The following ZNF534 variants were observed in gnomAD, a reference collection of about 807,000 sequenced individuals.
The protein encoded by ZNF534 is zinc finger protein 534.
Under a neutral mutation model 13.6 loss-of-function variants are expected in ZNF534, and 19 were observed. The ratio of observed to expected loss-of-function variants is 1.40; its 90% CI spans 0.97 to 2.05. ZNF534 has a LOEUF of 2.05. Ranked by LOEUF, ZNF534 falls within the 30% of genes most tolerant of loss-of-function variation. The probability of loss-of-function intolerance (pLI) is 0.00; values close to 1 mark genes in which losing one functional copy is unlikely to be tolerated. For synonymous variants in ZNF534, 244 were observed against 273.8 expected (o/e 0.89, Z 1.07); for missense variants, 782 against 796.3 (o/e 0.98, Z 0.22).
intron 4 of ZNF534, among the ~76,000 whole-genome samples, chr19:52,450,709 T>A (rs1479650349): frequency 5.6e-5 from 7 of 125,974 alleles, no homozygotes; most frequent in Non-Finnish European, 8.2e-5. Flanking sequence ...TTTTTTTTTT[T>A]AGACAAGGTC....
At position 52,435,364 on chromosome 19, in the gene ZNF534, A is replaced by G. The variant is rs116869536; in HGVS notation, c.271+155A>G. On this transcript the variant is annotated intron_variant, in intron 4 of 4. Transcript: ENST00000433050. ...GGATCCTTCTGGCTTGGTCTTCCAA[A>G]GTGTTGGGATTACAGGCTTGAGCCA... Among the ~76,000 whole-genome samples, 10 of 152,138 alleles carry G rather than the reference A, an allele frequency of 6.6e-5. No individual in the cohort carries two copies. The East Asian group carries it at 1.9e-3, about 29-fold the overall frequency.
rs1443688970 is a variant in ZNF534 at position 52,439,408 on chromosome 19, G to A, written c.1948G>A (p.Val650Ile). The change falls in exon 5 of 5, where the codon GTA becomes ATA. Residue 650 changes from valine to isoleucine, a missense_variant. By Grantham distance (29) the Val-to-Ile change is conservative. Coordinates refer to ENST00000433050, the MANE Select transcript of ZNF534 (RefSeq NM_001143938.3). ...GKVFSKNSIL[V>I]QHCSIHTREK... is the part of the protein sequence containing the mutation. ...GGTCTTTAGTAAAAATTCCATCCTA[G>A]TACAACATTGCAGTATTCATACCAG... The A allele has an allele frequency of 6.5e-7, 1 of 1,546,426 alleles. No individual in the cohort carries two copies. Among genetic ancestry groups the A allele is most frequent in the Non-Finnish European group, 8.7e-7 (1 of 1,144,052 alleles).
At chr19:52,451,680 G>T (rs1337308627) in exon 5 of ZNF534, 8 of 669,186 alleles carry the variant, frequency 1.2e-5, no homozygotes, top group Non-Finnish European at 1.9e-5. Flanking sequence ...CCTTCTGGAT[G>T]TTATGGAGAG....
downstream of ZNF534, among the ~76,000 whole-genome samples, chr19:52,445,234 T>C (rs920722336): frequency 3.3e-5 from 5 of 151,018 alleles, no homozygotes; most frequent in Non-Finnish European, 5.9e-5. Flanking sequence ...TCTTGCTCTG[T>C]CACCCAGGCT....
At chr19:52,448,312 T>C (rs937114900) in intron 4 of ZNF534, among the ~76,000 whole-genome samples, 6 of 152,002 alleles carry the variant, frequency 3.9e-5, no homozygotes, top group African/African-American at 1.5e-4. Flanking sequence ...GCAGGAGAAG[T>C]GCTTGAACCT....
rs2059167680 is a variant in ZNF534 at position 52,440,842 on chromosome 19, A to T, written c.*1396A>T. Among the ~76,000 whole-genome samples the T allele has an allele frequency of 1.3e-5, 2 of 151,812 alleles. No individual in the cohort carries two copies. The highest frequency in any genetic ancestry group is 4.8e-5 in the African/African-American group (2 of 41,344). The stretch of plus-strand genomic sequence containing the variant: ...ACAAATGTAATGAATGCGGCAGAGC[A>T]TTGAGAAGGTGTTCAGGTCTTAACT... On this transcript the variant is annotated 3_prime_UTR_variant, in exon 5 of 5. Coordinates refer to ENST00000433050, the MANE Select transcript of ZNF534 (RefSeq NM_001143938.3).
rs777077754 is a variant in ZNF534, at chr19:52,438,316, G to A, written c.856G>A (p.Ala286Thr). The change falls in exon 5 of 5, where the codon GCA becomes ACA. Residue 286 changes from alanine (A) to threonine (T), a missense_variant. Physicochemically the swap from Ala to Thr is moderately conservative, Grantham distance 58. Transcript: ENST00000433050. Reference protein sequence around the residue: ...GKVFSHHAYLAQHRKIHTGEK... With the variant: ...GKVFSHHAYLTQHRKIHTGEK... ...AGTCTTTAGTCACCATGCCTACCTT[G>A]CACAGCATAGGAAAATTCATACTGG... 27 of 1,606,340 alleles carry A rather than the reference G, an allele frequency of 1.7e-5. No individual in the cohort carries two copies. Among genetic ancestry groups the A allele is most frequent in the Non-Finnish European group, 2.3e-5 (27 of 1,174,082 alleles).
downstream of ZNF534, among the ~76,000 whole-genome samples, chr19:52,443,866 G>A (rs906224323): frequency 6.6e-6 from 1 of 151,888 alleles, no homozygotes; most frequent in Non-Finnish European, 1.5e-5. Context: ...TGCATCCATT[G>A]TTTCCTGAGG....
rs1238410040 is a variant in ZNF534, at chr19:52,440,973, C to T, written c.*1527C>T. Among the ~76,000 whole-genome samples the T allele has an allele frequency of 1.3e-5, 2 of 151,656 alleles. No individual in the cohort carries two copies. Among genetic ancestry groups the T allele is most frequent in the Non-Finnish European group, 2.9e-5 (2 of 67,968 alleles). On this transcript the variant is annotated 3_prime_UTR_variant, in exon 5 of 5. Coordinates refer to ENST00000433050, the MANE Select transcript of ZNF534 (RefSeq NM_001143938.3). ...CTGGAGTGCAGTGGTGTAATCTCAG[C>T]TCACTGCAACCGCCACCTCCTAGGT...
chr19:52,437,191 T>C (rs1327709443), intron 4 of ZNF534, among the ~76,000 whole-genome samples: 1 of 152,232 alleles, frequency 6.6e-6, no homozygotes, highest in East Asian at 1.9e-4. Context: ...AAGCTGTTAG[T>C]TACTCTTGTA....
rs766268739 is a variant in ZNF534, at chr19:52,438,898, A to G, written c.1438A>G (p.Asn480Asp). Residue 480 changes from asparagine (N) to aspartate (D), a missense_variant, in exon 5 of 5, where the codon AAC becomes GAC. This residue lies in a region of ZNF534 where 591 missense variants were observed against 574.0 expected (regional missense o/e 1.03). Transcript: ENST00000433050. ...TGGCAAGGTCTTCAGTCAGAATTCA[A>G]ACCTTCAACGACATAGGAAAATTCA... The part of the protein sequence containing the change: ...ECGKVFSQNS[N>D]LQRHRKIHTG... 1.9e-6 allele frequency: 3 copies of G among 1,589,216 alleles called. No homozygotes were observed. Among genetic ancestry groups the G allele is most frequent in the East Asian group, 4.6e-5 (2 of 43,642 alleles).
chr19:52,434,149 G>GTC, intron 3 of ZNF534, 68 bp downstream of exon 3: 1 of 1,568,602 alleles, frequency 6.4e-7, no homozygotes, highest in Non-Finnish European at 8.6e-7. Flanking sequence ...TCTCTTGTGT[G>GTC]TCTCTCGGGA....
downstream of ZNF534, among the ~76,000 whole-genome samples, chr19:52,444,348 C>G (rs533453522): frequency 1.3e-5 from 2 of 152,142 alleles, no homozygotes; most frequent in African/African-American, 2.4e-5. Context: ...TCCTGTGATA[C>G]GAACTGTCTA....
At chr19:52,448,967 T>G (rs945800710) in intron 4 of ZNF534, among the ~76,000 whole-genome samples, 2 of 152,134 alleles carry the variant, frequency 1.3e-5, no homozygotes, top group African/African-American at 4.8e-5. Flanking sequence ...TCCTTCTGGT[T>G]TTTTTTGGTA....
downstream of ZNF534, among the ~76,000 whole-genome samples, chr19:52,443,918 T>G (rs146434941): frequency 6.6e-6 from 1 of 152,028 alleles, no homozygotes; most frequent in African/African-American, 2.4e-5. Context: ...CTGAAATTTC[T>G]CCCCTCATTT....
intron 2 of ZNF534, among the ~76,000 whole-genome samples, chr19:52,432,828 C>T (rs1300451445): frequency 6.6e-6 from 1 of 151,988 alleles, no homozygotes; most frequent in Non-Finnish European, 1.5e-5. Flanking sequence ...GATGGGGTTT[C>T]ACCATGTTAG....
At chr19:52,446,044 G>T (rs1320553726), downstream of ZNF534, among the ~76,000 whole-genome samples, 2 of 152,158 alleles carry the variant, frequency 1.3e-5, no homozygotes, top group Non-Finnish European at 2.9e-5. Flanking sequence ...AAAAAGAAGT[G>T]TTCCTTTAAA....
chr19:52,446,323 T>C (rs1489516325), downstream of ZNF534, among the ~76,000 whole-genome samples: 1 of 152,142 alleles, frequency 6.6e-6, no homozygotes. Flanking sequence ...CAGAGGATAT[T>C]ACAGGGAAAC....
downstream of ZNF534, among the ~76,000 whole-genome samples, chr19:52,446,844 C>T (rs762255362): frequency 2.0e-5 from 3 of 152,178 alleles, no homozygotes; most frequent in Non-Finnish European, 4.4e-5. Flanking sequence ...GGTGACAGAG[C>T]AAGATCCTGT....
Sources: allele counts gnomAD v4.1 joint callset (sites outside exome capture counted in the v4.1 genomes callset), GRCh38; gene constraint gnomAD v4.1.1; regional missense constraint gnomAD v4.1.1; transcripts MANE v1.5; gene names NCBI Gene and HGNC (gene_info 2026-07-23, HGNC 2026-07-21).